The following CAPN7 variants were observed in gnomAD, a reference collection of about 807,000 sequenced individuals.
CAPN7 encodes calpain-7.
Under a neutral mutation model 115.2 loss-of-function variants are expected in CAPN7, and 72 were observed. The ratio of observed to expected loss-of-function variants is 0.63; its 90% CI spans 0.52 to 0.76. The LOEUF (loss-of-function observed/expected upper bound fraction) is 0.76, where lower values mean the gene tolerates loss of function less well. Among genes scored for constraint, CAPN7 ranks in the 30% least tolerant of loss-of-function variants. The pLI, the probability that CAPN7 is intolerant of heterozygous loss-of-function variation, is 0.00. For synonymous variants in CAPN7, 344 were observed against 322.3 expected (o/e 1.07, Z -0.72); for missense variants, 905 against 971.5 (o/e 0.93, Z 0.91).
At chr3:15,230,636 TTAAA>T (rs1475739493) in intron 9 of CAPN7, 101 bp downstream of exon 9, 2 of 722,816 alleles carry the variant, frequency 2.8e-6, no homozygotes, top group African/African-American at 3.5e-5. Flanking sequence ...TTTGAACATT[TTAAA>T]AGTTAGAGTC....
intron 3 of CAPN7, 116 bp downstream of exon 3, chr3:15,217,698 T>C (rs1298057561): frequency 1.3e-6 from 1 of 789,626 alleles, no homozygotes; most frequent in African/African-American, 1.8e-5. Context: ...AAAAAATTAT[T>C]TTAAATGTAA....
chr3:15,240,715 T>G, intron 13 of CAPN7, 39 bp from the exon 14 acceptor site: 2 of 1,569,126 alleles, frequency 1.3e-6, no homozygotes, highest in Non-Finnish European at 1.7e-6. Flanking sequence ...TCATTTAGCA[T>G]TAAGATTTTT....
At chr3:15,219,482 G>A (rs575432152) in intron 4 of CAPN7, among the ~76,000 whole-genome samples, 22 of 152,110 alleles carry the variant, frequency 1.4e-4, no homozygotes, top group East Asian at 7.7e-4. Flanking sequence ...ACAAAGATAC[G>A]AGTCCTTGAC....
At chr3:15,246,660 A>G (rs1239373089) in intron 17 of CAPN7, 72 bp from the exon 18 acceptor site, 3 of 1,088,776 alleles carry the variant, frequency 2.8e-6, no homozygotes, top group African/African-American at 1.6e-5. Context: ...TTAGTCTTCC[A>G]ATATATTCAT....
chr3:15,207,105 G>T (rs1257866964), intron 1 of CAPN7, among the ~76,000 whole-genome samples: 1 of 152,166 alleles, frequency 6.6e-6, no homozygotes, highest in East Asian at 1.9e-4. Flanking sequence ...TGCGAACACC[G>T]TAGAAAGCGC....
At chr3:15,238,720 C>A (rs1695154194) in intron 12 of CAPN7, among the ~76,000 whole-genome samples, 2 of 152,240 alleles carry the variant, frequency 1.3e-5, no homozygotes, top group South Asian at 2.1e-4. Flanking sequence ...TATGGAGTTA[C>A]ATCTCCAGAT....
chr3:15,242,250 C>G lies in CAPN7; in HGVS notation c.1861C>G (p.Pro621Ala). The part of the protein sequence containing the change: ...YKTDGKKVYY[P>A]ADPPPYIDGI... The stretch of plus-strand genomic sequence containing the variant: ...GACTGATGGGAAAAAAGTTTATTAC[C>G]CAGGTATGTTTAGTAGCCCAGCAAA... Residue 621 changes from proline to alanine, a missense_variant, in exon 16 of 21, where the codon CCA (proline) becomes GCA (alanine). Pro to Ala is a conservative substitution (Grantham distance 27). Coordinates refer to ENST00000253693, the MANE Select transcript of CAPN7 (RefSeq NM_014296.3). 1 of 1,582,274 alleles carries G rather than the reference C, an allele frequency of 6.3e-7. No individual in the cohort carries two copies. Among genetic ancestry groups the G allele is most frequent in the Non-Finnish European group, 8.6e-7 (1 of 1,162,818 alleles).
chr3:15,235,112 C>T lies in CAPN7; in HGVS notation c.1374C>T (p.His458=), dbSNP rs143878607. The change falls in exon 12 of 21, where the codon CAC becomes CAT. Residue 458 remains histidine, a synonymous_variant. Coordinates refer to ENST00000253693, the MANE Select transcript of CAPN7 (RefSeq NM_014296.3). Reference sequence around the variant, plus strand: ...AGAAGTGGGGTCTGGTTCCCACACACGCATATGCTGTTTTGGATATTAGAG... The same window carrying T: ...AGAAGTGGGGTCTGGTTCCCACACATGCATATGCTGTTTTGGATATTAGAG... ...EGEKWGLVPT[H]AYAVLDIREF... 7.4e-5 allele frequency: 119 copies of T among 1,612,858 alleles called. No homozygotes were observed. The highest frequency in any genetic ancestry group is 9.6e-5 in the Non-Finnish European group (113 of 1,179,464).
chr3:15,218,836 A>G (rs1412635000), intron 4 of CAPN7, among the ~76,000 whole-genome samples: 1 of 152,198 alleles, frequency 6.6e-6, no homozygotes, highest in East Asian at 1.9e-4. Flanking sequence ...TTCAAAGAGA[A>G]CTTCCAGAGA....
At chr3:15,230,230 A>G (rs530255167) in intron 8 of CAPN7, among the ~76,000 whole-genome samples, 1 of 152,294 alleles carries the variant, frequency 6.6e-6, no homozygotes, top group South Asian at 2.1e-4. Context: ...ATTTATGTCC[A>G]CTTTGTGATC....
At chr3:15,206,662 G>A in intron 1 of CAPN7, 65 bp downstream of exon 1, 1 of 1,205,434 alleles carries the variant, frequency 8.3e-7, no homozygotes. Flanking sequence ...GCCTGCGGCC[G>A]AGGGGCGGGA....
At chr3:15,238,108 C>CTTTTTTTTTTTTTTTTTTTT (rs34203410) in intron 12 of CAPN7, among the ~76,000 whole-genome samples, 1 of 58,188 alleles carries the variant, frequency 1.7e-5, no homozygotes, top group Non-Finnish European at 3.0e-5. Context: ...ATTCTGACTT[C>CTTTTTTTTTTTTTTTTTTTT]TTTTTTTTTT....
rs1183377278 is a variant in CAPN7, at chr3:15,210,784, T to A, written c.103-1320T>A. 3 of 1,289,274 alleles carry A rather than the reference T, an allele frequency of 2.3e-6. No individual in the cohort carries two copies. In the African/African-American group the frequency reaches 4.6e-5, roughly 20 times the overall value. The allele number at this position is 1,289,274 out of a possible 1,614,324, so 79.9% of individuals were successfully genotyped here. A position where few individuals can be genotyped will look rare whatever the true frequency, so the allele number is the denominator to read the frequency against. On this transcript the variant is annotated intron_variant, in intron 1 of 20. Coordinates refer to ENST00000253693, the MANE Select transcript of CAPN7 (RefSeq NM_014296.3). ...ATGTTGCCCAGGCTGAAAACTGCAC[T>A]TTTCTTAATTTTGTTAGGTTCAGTG...
In CAPN7 at chr3:15,245,669, C is replaced by T; in HGVS notation, c.2008C>T (p.Arg670Trp). ...EKQNTIHYTV[R>W]VYSACSFTFS... ...ACAGAACACAATCCATTACACGGTT[C>T]GGGTAAGTAAAACCAACACACAATG... Residue 670 changes from arginine (R) to tryptophan (W), a missense_variant and splice_region_variant, in exon 17 of 21, where the codon CGG (arginine) becomes TGG (tryptophan). Arg to Trp is a moderately radical substitution (Grantham distance 101). Transcript: ENST00000253693. 7.4e-6 allele frequency: 12 copies of T among 1,611,966 alleles called. No individual in the cohort carries two copies. The highest frequency in any genetic ancestry group is 1.0e-5 in the Non-Finnish European group (12 of 1,179,196).
chr3:15,211,120 C>T (rs2044917046), intron 1 of CAPN7, among the ~76,000 whole-genome samples: 1 of 152,138 alleles, frequency 6.6e-6, no homozygotes, highest in Non-Finnish European at 1.5e-5. Flanking sequence ...CTAAAATCTG[C>T]TTTAAAATGT....
chr3:15,228,537 A>G (rs2124945853), intron 7 of CAPN7, among the ~76,000 whole-genome samples: 1 of 152,372 alleles, frequency 6.6e-6, no homozygotes, highest in East Asian at 1.9e-4. Context: ...TGCAGCCATA[A>G]GAGAACGAGA....
At chr3:15,233,610 T>C (rs1694820178) in intron 10 of CAPN7, among the ~76,000 whole-genome samples, 1 of 152,250 alleles carries the variant, frequency 6.6e-6, no homozygotes, top group Non-Finnish European at 1.5e-5. Context: ...CTGTTACATG[T>C]CTTTTTATCA....
At chr3:15,223,927 CCAATT>C (rs1450986817) in intron 6 of CAPN7, among the ~76,000 whole-genome samples, 1 of 152,168 alleles carries the variant, frequency 6.6e-6, no homozygotes, top group Non-Finnish European at 1.5e-5. Context: ...ACTAAGAAGA[CCAATT>C]CAAGCAAGGA....
rs746582971 is a variant in CAPN7, at chr3:15,232,677, A to G, written c.1179+12A>G. 43 of 1,589,960 alleles carry G rather than the reference A, an allele frequency of 2.7e-5. No homozygotes were observed. Among genetic ancestry groups the G allele is most frequent in the Non-Finnish European group, 2.9e-5 (34 of 1,171,508 alleles). ...CAGGATCCAACTCCGTAAGTAATAG[A>G]TAAGACGATCCAGACACAGATTTAA... is the stretch of plus-strand genomic sequence containing the variant. On this transcript the variant is annotated intron_variant, in intron 10 of 20. Coordinates refer to ENST00000253693, the MANE Select transcript of CAPN7 (RefSeq NM_014296.3).
Sources: gnomAD v4.1 joint callset for allele counts (sites outside exome capture counted in the v4.1 genomes callset) on GRCh38, gnomAD v4.1.1 for gene constraint, MANE v1.5 for transcripts, NCBI Gene and HGNC (gene_info 2026-07-23, HGNC 2026-07-21) for gene names.